Variants in AGBL1 observed in about 807,000 individuals in gnomAD.
AGBL1 encodes the protein AGBL carboxypeptidase 1.
Under a neutral mutation model 118.9 loss-of-function variants are expected in AGBL1, and 130 were observed. That is an observed-to-expected ratio of 1.09 (90% CI 0.95 to 1.26). AGBL1 has a LOEUF of 1.26. Ranked by LOEUF, AGBL1 falls within the 50% of genes most tolerant of loss-of-function variation. AGBL1 has a pLI of 0.00. For missense variants in AGBL1, 1,584 were observed against 1,298.1 expected (o/e 1.22, Z -3.38); for synonymous variants, 555 against 478.9 (o/e 1.16, Z -2.08).
intron 16 of AGBL1, among the ~76,000 whole-genome samples, chr15:86,281,888 A>G (rs2079361288): frequency 6.6e-6 from 1 of 152,178 alleles, no homozygotes; most frequent in Non-Finnish European, 1.5e-5. Context: ...GTTTGAATTC[A>G]AACCACCAGC....
At chr15:86,130,013 G>C (rs899208681) in intron 1 of AGBL1, among the ~76,000 whole-genome samples, 1 of 152,170 alleles carries the variant, frequency 6.6e-6, no homozygotes, top group African/African-American at 2.4e-5. Flanking sequence ...CTGTAGAGCT[G>C]TTCTTTTAAA....
chr15:86,431,976 C>A (rs768675978), intron 18 of AGBL1, among the ~76,000 whole-genome samples: 1 of 152,174 alleles, frequency 6.6e-6, no homozygotes, highest in Non-Finnish European at 1.5e-5. Flanking sequence ...CTCCAGCCAG[C>A]CAGCCCTAGA....
chr15:86,375,707 T>C (rs1275147251), intron 17 of AGBL1, among the ~76,000 whole-genome samples: 1 of 152,240 alleles, frequency 6.6e-6, no homozygotes, highest in African/African-American at 2.4e-5. Context: ...ACACAGTCTC[T>C]TGTGTAGCCC....
intron 16 of AGBL1, among the ~76,000 whole-genome samples, chr15:86,292,134 G>A (rs1391915004): frequency 2.0e-5 from 3 of 152,170 alleles, no homozygotes; most frequent in Non-Finnish European, 2.9e-5. Flanking sequence ...ACTTTACATG[G>A]TAAGGGGACT....
intron 22 of AGBL1, among the ~76,000 whole-genome samples, chr15:86,881,448 C>T (rs2079890660): frequency 6.6e-6 from 1 of 152,148 alleles, no homozygotes; most frequent in Admixed American, 6.6e-5. Context: ...TGTAAAGCTG[C>T]TTTTATGAAA....
chr15:86,915,352 T>A lies in AGBL1; in HGVS notation c.*8058T>A, dbSNP rs1040237226. On this transcript the variant is annotated 3_prime_UTR_variant, in exon 23 of 23. Transcript: ENST00000614907. ...TAAAATGCAGACAGGACCTAGTGCT[T>A]GAGCCTTTTCAGATCCAGCCACTAC... is the stretch of plus-strand genomic sequence containing the variant. 6.6e-6 allele frequency: 1 copy of A among 152,224 alleles called. No homozygotes were observed. The highest frequency in any genetic ancestry group is 2.4e-5 in the African/African-American group (1 of 41,452). 9.4% of individuals were successfully genotyped at this position (152,224 alleles called of 1,614,324 possible). A position where few individuals can be genotyped will look rare whatever the true frequency, so the allele number is the denominator to read the frequency against.
intron 22 of AGBL1, among the ~76,000 whole-genome samples, chr15:86,750,421 A>G (rs1003583350): frequency 6.6e-6 from 1 of 152,018 alleles, no homozygotes; most frequent in East Asian, 1.9e-4. Context: ...CTGTATAACA[A>G]TAACACCGAA....
chr15:86,497,558 AC>A (rs1219327236), intron 18 of AGBL1, among the ~76,000 whole-genome samples: 1 of 151,622 alleles, frequency 6.6e-6, no homozygotes, highest in Admixed American at 6.6e-5. Context: ...ATGGGACCTC[AC>A]CCTTCCCTCA....
At chr15:86,864,655 G>A (rs550955890) in intron 22 of AGBL1, among the ~76,000 whole-genome samples, 1 of 152,232 alleles carries the variant, frequency 6.6e-6, no homozygotes, top group Admixed American at 6.5e-5. Flanking sequence ...AACTACAAAT[G>A]TCATGACTCT....
At chr15:86,971,694 C>A (rs1277176957) in intron 23 of AGBL1, among the ~76,000 whole-genome samples, 2 of 151,898 alleles carry the variant, frequency 1.3e-5, no homozygotes, top group African/African-American at 2.4e-5. Context: ...GGAAACATTG[C>A]AGCTCCCTCT....
At chr15:86,330,269 C>G (rs2141860635) in intron 17 of AGBL1, among the ~76,000 whole-genome samples, 1 of 152,300 alleles carries the variant, frequency 6.6e-6, no homozygotes, top group East Asian at 1.9e-4. Context: ...CTGGCTGTAA[C>G]CCATAAGGTA....
intron 17 of AGBL1, among the ~76,000 whole-genome samples, chr15:86,298,775 G>A (rs543572811): frequency 6.6e-6 from 1 of 152,240 alleles, no homozygotes; most frequent in East Asian, 1.9e-4. Context: ...TCTCCACTGT[G>A]TGGGATTATT....
chr15:86,444,766 G>C (rs1223273427), intron 18 of AGBL1, among the ~76,000 whole-genome samples: 2 of 152,080 alleles, frequency 1.3e-5, no homozygotes, highest in Admixed American at 6.6e-5. Flanking sequence ...TCAAAAGACC[G>C]GCACAAGACA....
intron 3 of AGBL1, among the ~76,000 whole-genome samples, chr15:86,145,265 G>A (rs2077017551): frequency 1.3e-5 from 2 of 152,160 alleles, no homozygotes; most frequent in African/African-American, 2.4e-5. Context: ...ACACAGAAGT[G>A]GAACATTCCT....
chr15:86,104,690 A>G (rs547872681), intron 1 of AGBL1, among the ~76,000 whole-genome samples: 1 of 152,340 alleles, frequency 6.6e-6, no homozygotes, highest in South Asian at 2.1e-4. Context: ...TGGGGCTCCC[A>G]GAATGTGGAG....
At chr15:86,253,410 C>T (rs2078847672) in intron 7 of AGBL1, among the ~76,000 whole-genome samples, 4 of 152,070 alleles carry the variant, frequency 2.6e-5, no homozygotes, top group Admixed American at 2.6e-4. Flanking sequence ...ACCACAATGC[C>T]TGGCTAATTT....
intron 1 of AGBL1, among the ~76,000 whole-genome samples, chr15:86,099,892 G>C (rs1458463056): frequency 6.6e-6 from 1 of 152,004 alleles, no homozygotes; most frequent in Non-Finnish European, 1.5e-5. Context: ...GGCAAAAATG[G>C]GCATCTTGTC....
chr15:86,825,025 C>G (rs1381722830), intron 22 of AGBL1, among the ~76,000 whole-genome samples: 1 of 151,976 alleles, frequency 6.6e-6, no homozygotes, highest in East Asian at 1.9e-4. Context: ...CCACTGCACT[C>G]CAGCCTAGGT....
At chr15:86,857,707 C>T (rs1324327402) in intron 22 of AGBL1, among the ~76,000 whole-genome samples, 2 of 152,138 alleles carry the variant, frequency 1.3e-5, no homozygotes, top group Non-Finnish European at 1.5e-5. Context: ...CCGTACTAGG[C>T]TCTGAGATGC....
Sources: gnomAD v4.1 joint callset for allele counts (sites outside exome capture counted in the v4.1 genomes callset) on GRCh38, gnomAD v4.1.1 for gene constraint, MANE v1.5 for transcripts, NCBI Gene and HGNC (gene_info 2026-07-23, HGNC 2026-07-21) for gene names.